Variants in ELOVL6 observed in about 807,000 individuals in gnomAD.
ELOVL6 encodes ELOVL fatty acid elongase 6.
A neutral mutation model predicts 31.7 loss-of-function variants in ELOVL6; 8 were observed. The ratio of observed to expected loss-of-function variants is 0.25; its 90% CI spans 0.15 to 0.45. The LOEUF (loss-of-function observed/expected upper bound fraction) is 0.45, where lower values mean the gene tolerates loss of function less well. ELOVL6 is among the 20% of genes least tolerant of loss of function. ELOVL6 has a pLI of 1.00. For synonymous variants in ELOVL6, 101 were observed against 117.7 expected, an observed-to-expected ratio of 0.86 and a Z score of 0.92; for missense variants, 126 against 326.4, an observed-to-expected ratio of 0.39 and a Z score of 4.73.
chr4:110,188,312 G>C (rs1759506671), intron 1 of ELOVL6, among the ~76,000 whole-genome samples: 1 of 152,188 alleles, frequency 6.6e-6, no homozygotes. Context: ...ACATTTGTGA[G>C]ATCATTGACT....
At chr4:110,196,938 G>C (rs1159840774) in intron 1 of ELOVL6, among the ~76,000 whole-genome samples, 2 of 152,166 alleles carry the variant, frequency 1.3e-5, no homozygotes, top group East Asian at 1.9e-4. Context: ...GGCGACTCCA[G>C]GGGGCTGGAG....
At chr4:110,075,770 C>T (rs1353682349) in intron 2 of ELOVL6, among the ~76,000 whole-genome samples, 1 of 152,166 alleles carries the variant, frequency 6.6e-6, no homozygotes, top group African/African-American at 2.4e-5. Context: ...TTCACCACCA[C>T]CACCACAGCA....
At chr4:110,084,602 T>A (rs866527909) in intron 2 of ELOVL6, among the ~76,000 whole-genome samples, 7 of 89,676 alleles carry the variant, frequency 7.8e-5, no homozygotes, top group East Asian at 7.6e-4. Flanking sequence ...TTTTTTTTTT[T>A]TTTTTTTTTT....
chr4:110,067,107 T>A (rs1164712406), intron 2 of ELOVL6, among the ~76,000 whole-genome samples: 1 of 151,164 alleles, frequency 6.6e-6, no homozygotes, highest in African/African-American at 2.4e-5. Context: ...GTCTAATAAA[T>A]GTCTAAGCAG....
intron 2 of ELOVL6, among the ~76,000 whole-genome samples, chr4:110,066,379 G>A (rs879519743): frequency 3.0e-4 from 46 of 152,066 alleles, no homozygotes; most frequent in African/African-American, 1.0e-3. Context: ...GCTCATGCCT[G>A]TAATCCCAGC....
intron 2 of ELOVL6, among the ~76,000 whole-genome samples, chr4:110,081,180 T>C (rs1360987598): frequency 2.6e-5 from 4 of 152,058 alleles, no homozygotes; most frequent in African/African-American, 9.7e-5. Flanking sequence ...AGGTAATTTA[T>C]AAATTCAATG....
intron 1 of ELOVL6, among the ~76,000 whole-genome samples, chr4:110,160,885 G>C (rs1758611953): frequency 6.6e-6 from 1 of 152,168 alleles, no homozygotes; most frequent in Admixed American, 6.5e-5. Flanking sequence ...CTCCTTTATG[G>C]TTTTAATTGT....
chr4:110,192,815 C>T (rs1406371469), intron 1 of ELOVL6, among the ~76,000 whole-genome samples: 1 of 152,172 alleles, frequency 6.6e-6, no homozygotes, highest in Non-Finnish European at 1.5e-5. Context: ...CATCCCAGTG[C>T]TTTCTAAAAA....
At chr4:110,085,706 C>T (rs891723870) in intron 2 of ELOVL6, among the ~76,000 whole-genome samples, 6 of 152,106 alleles carry the variant, frequency 3.9e-5, no homozygotes, top group African/African-American at 1.4e-4. Context: ...ATGCAGATTT[C>T]CAAACTTCAC....
At chr4:110,057,718 G>C (rs1202006829) in intron 3 of ELOVL6, among the ~76,000 whole-genome samples, 1 of 151,810 alleles carries the variant, frequency 6.6e-6, no homozygotes, top group African/African-American at 2.4e-5. Context: ...GGGTGTAGTG[G>C]CACACACCTG....
At chr4:110,084,578 ATATATATATATTTTTT>A (rs1485121682) in intron 2 of ELOVL6, among the ~76,000 whole-genome samples, 48 of 50,802 alleles carry the variant, frequency 9.4e-4, no homozygotes, top group Non-Finnish European at 1.3e-3. Context: ...ATATATATAT[ATATATATATATTTTTT>A]TTTTTTTTTT....
chr4:110,084,199 T>C (rs1285038269), intron 2 of ELOVL6, among the ~76,000 whole-genome samples: 3 of 85,840 alleles, frequency 3.5e-5, no homozygotes, highest in Admixed American at 1.3e-4. Context: ...ATAACTTATA[T>C]GATATATATA....
At chr4:110,084,159 T>C (rs1756056121) in intron 2 of ELOVL6, among the ~76,000 whole-genome samples, 1 of 105,340 alleles carries the variant, frequency 9.5e-6, no homozygotes, top group Admixed American at 1.1e-4. Flanking sequence ...ATATATAACA[T>C]ATATGTGATA....
Position 110,117,913 on chromosome 4 carries a change from T to A in ELOVL6, c.90-12285A>T, listed in dbSNP as rs1298353182. 2.2e-3 allele frequency: 50 copies of A among 23,218 alleles called. 1 individual carries two copies. The highest frequency in any genetic ancestry group is 9.6e-3 in the African/African-American group (46 of 4,784). The allele number at this position is 23,218 out of a possible 1,614,324, so 1.4% of individuals were successfully genotyped here. On this transcript the variant is annotated intron_variant, in intron 1 of 3. Coordinates refer to ENST00000302274, the MANE Select transcript of ELOVL6 (RefSeq NM_024090.3). ...AAAAAAAAAAAAAAAAATATATATA[T>A]ATATATATATATCTCCCCAGAGAGG...
chr4:110,190,387 A>C (rs1472166168), intron 1 of ELOVL6, among the ~76,000 whole-genome samples: 1 of 152,256 alleles, frequency 6.6e-6, no homozygotes, highest in Non-Finnish European at 1.5e-5. Context: ...GAAAGGAATC[A>C]TGATAAATGT....
intron 2 of ELOVL6, among the ~76,000 whole-genome samples, chr4:110,084,162 ATG>A (rs376941673): frequency 1.7e-4 from 12 of 71,548 alleles, no homozygotes; most frequent in Non-Finnish European, 2.3e-4. Flanking sequence ...TATAACATAT[ATG>A]TGATATATAT....
chr4:110,186,815 AAAAAAAAAT>A (rs201989745), intron 1 of ELOVL6, among the ~76,000 whole-genome samples: 5,727 of 119,552 alleles, frequency 0.048, 91 homozygotes, highest in Middle Eastern at 0.065. Context: ...AAAAAAAAAA[AAAAAAAAAT>A]ATATATATAT....
At chr4:110,196,353 CAT>C (rs912751017) in intron 1 of ELOVL6, among the ~76,000 whole-genome samples, 6 of 152,208 alleles carry the variant, frequency 3.9e-5, no homozygotes, top group African/African-American at 1.2e-4. Context: ...ATATGACAAA[CAT>C]GTGCGGAGAA....
intron 1 of ELOVL6, among the ~76,000 whole-genome samples, chr4:110,189,697 A>G (rs999034530): frequency 6.6e-6 from 1 of 151,048 alleles, no homozygotes; most frequent in Non-Finnish European, 1.5e-5. Flanking sequence ...GGCTTGGCGC[A>G]GTGGCTCACA....
Sources: gnomAD v4.1 joint callset for allele counts (sites outside exome capture counted in the v4.1 genomes callset) on GRCh38, gnomAD v4.1.1 for gene constraint, MANE v1.5 for transcripts, NCBI Gene and HGNC (gene_info 2026-07-23, HGNC 2026-07-21) for gene names.